KIAA1217: variants seen among roughly 807,000 people sequenced by gnomAD.
KIAA1217 encodes KIAA1217.
A neutral mutation model predicts 163.9 loss-of-function variants in KIAA1217; 88 were observed. The ratio of observed to expected loss-of-function variants is 0.54; its 90% CI spans 0.45 to 0.64. The LOEUF is 0.64. Ranked by LOEUF, KIAA1217 falls within the 30% of genes least tolerant of loss-of-function variation. KIAA1217 has a pLI of 0.00. For missense variants in KIAA1217, 2,372 were observed against 2,475.0 expected (o/e 0.96, Z 0.88); for synonymous variants, 903 against 923.1 (o/e 0.98, Z 0.39).
chr10:24,058,723 A>G (rs2060613697), intron 2 of KIAA1217, among the ~76,000 whole-genome samples: 1 of 152,090 alleles, frequency 6.6e-6, no homozygotes, highest in Non-Finnish European at 1.5e-5. Context: ...TTATTTTCAT[A>G]TGTTGATTTT....
chr10:23,759,984 A>AT (rs1388802775), intron 1 of KIAA1217, among the ~76,000 whole-genome samples: 2 of 152,094 alleles, frequency 1.3e-5, no homozygotes, highest in African/African-American at 2.4e-5. Flanking sequence ...CAATTAGTTC[A>AT]TTTTTTCTAT....
intron 2 of KIAA1217, among the ~76,000 whole-genome samples, chr10:24,320,036 C>T (rs985560398): frequency 2.0e-5 from 3 of 152,042 alleles, no homozygotes; most frequent in African/African-American, 7.2e-5. Flanking sequence ...CAATTACCAT[C>T]GTCTAGTAAC....
At chr10:24,019,408 A>T (rs11013853) in intron 2 of KIAA1217, among the ~76,000 whole-genome samples, 2 of 151,936 alleles carry the variant, frequency 1.3e-5, no homozygotes, top group Non-Finnish European at 2.9e-5. Flanking sequence ...AAAAAAATTT[A>T]AAAAATAAAA....
At chr10:24,000,578 G>A (rs1232808889) in intron 1 of KIAA1217, among the ~76,000 whole-genome samples, 3 of 152,138 alleles carry the variant, frequency 2.0e-5, no homozygotes, top group Admixed American at 1.3e-4. Flanking sequence ...AATTAACATC[G>A]GGCATTGAGT....
intron 2 of KIAA1217, among the ~76,000 whole-genome samples, chr10:24,334,751 A>G (rs576963817): frequency 3.3e-5 from 5 of 152,218 alleles, no homozygotes. Flanking sequence ...AATATCTGCA[A>G]AATGAATGAT....
intron 2 of KIAA1217, among the ~76,000 whole-genome samples, chr10:24,308,155 C>T (rs1265815300): frequency 6.6e-6 from 1 of 152,108 alleles, no homozygotes; most frequent in East Asian, 1.9e-4. Flanking sequence ...GTGGAAGGAG[C>T]CTTGCTTTGG....
At chr10:24,132,200 G>T (rs2063678144) in intron 2 of KIAA1217, among the ~76,000 whole-genome samples, 1 of 152,160 alleles carries the variant, frequency 6.6e-6, no homozygotes, top group South Asian at 2.1e-4. Context: ...CATCCCATTG[G>T]CTGGAACTCA....
intron 1 of KIAA1217, among the ~76,000 whole-genome samples, chr10:24,217,946 G>A (rs1488549924): frequency 1.3e-5 from 2 of 152,170 alleles, no homozygotes; most frequent in Non-Finnish European, 1.5e-5. Flanking sequence ...ATGACACTGA[G>A]AGAGGTCACA....
intron 1 of KIAA1217, among the ~76,000 whole-genome samples, chr10:23,978,480 C>T (rs1041185709): frequency 3.3e-5 from 5 of 152,044 alleles, no homozygotes; most frequent in African/African-American, 4.8e-5. Context: ...GAGTGGAATT[C>T]CTCAAGTGCA....
At chr10:23,944,886 C>G (rs372784433) in intron 1 of KIAA1217, among the ~76,000 whole-genome samples, 2 of 152,158 alleles carry the variant, frequency 1.3e-5, no homozygotes, top group East Asian at 3.9e-4. Flanking sequence ...TGGTGAAACC[C>G]TGTCTCTACT....
chr10:23,800,455 C>T (rs1179809921), intron 1 of KIAA1217, among the ~76,000 whole-genome samples: 1 of 152,000 alleles, frequency 6.6e-6, no homozygotes, highest in African/African-American at 2.4e-5. Flanking sequence ...TCTCAGTGGT[C>T]ACACCATTCA....
chr10:24,177,357 A>ATG (rs1211493944), intron 2 of KIAA1217, among the ~76,000 whole-genome samples: 11 of 106,780 alleles, frequency 1.0e-4, no homozygotes, highest in South Asian at 2.9e-4. Context: ...TCTTTATCAT[A>ATG]TGTGTATATA....
At chr10:24,388,741 C>T (rs919720670) in intron 3 of KIAA1217, among the ~76,000 whole-genome samples, 10 of 151,912 alleles carry the variant, frequency 6.6e-5, no homozygotes, top group East Asian at 1.9e-4. Context: ...AACAAGCGGG[C>T]GAAGGATATG....
intron 2 of KIAA1217, among the ~76,000 whole-genome samples, chr10:24,055,846 T>C (rs2060511427): frequency 6.6e-6 from 1 of 152,068 alleles, no homozygotes; most frequent in Non-Finnish European, 1.5e-5. Flanking sequence ...TTTCACAAAA[T>C]TTTTTGATAG....
intron 2 of KIAA1217, among the ~76,000 whole-genome samples, chr10:24,310,239 A>C (rs1186273427): frequency 2.0e-5 from 3 of 152,242 alleles, no homozygotes; most frequent in Non-Finnish European, 4.4e-5. Context: ...TTTTGCTTTT[A>C]CCAGGCACCA....
intron 2 of KIAA1217, among the ~76,000 whole-genome samples, chr10:24,252,956 C>T (rs1308432430): frequency 1.3e-5 from 2 of 151,262 alleles, no homozygotes; most frequent in African/African-American, 4.9e-5. Flanking sequence ...AGTTTGAGAC[C>T]AGCCTGGGTA....
At chr10:23,709,549 T>G (rs1837107460) in intron 1 of KIAA1217, among the ~76,000 whole-genome samples, 1 of 150,598 alleles carries the variant, frequency 6.6e-6, no homozygotes, top group Admixed American at 6.6e-5. Flanking sequence ...AAAAAAAAAA[T>G]AAAGAAATAG....
chr10:24,416,906 C>G (rs3847376), intron 3 of KIAA1217, among the ~76,000 whole-genome samples: 54,407 of 151,844 alleles, frequency 0.36, 11,296 homozygotes, highest in African/African-American at 0.58. Flanking sequence ...GCAAGGATTA[C>G]GGGACAAGGA....
intron 1 of KIAA1217, among the ~76,000 whole-genome samples, chr10:23,845,254 T>A (rs1044890262): frequency 6.6e-6 from 1 of 152,230 alleles, no homozygotes; most frequent in African/African-American, 2.4e-5. Context: ...ATATGCCCAG[T>A]AATGAGATTG....
Sources: allele counts gnomAD v4.1 joint callset (sites outside exome capture counted in the v4.1 genomes callset), GRCh38; gene constraint gnomAD v4.1.1; transcripts MANE v1.5; gene names NCBI Gene and HGNC (gene_info 2026-07-23, HGNC 2026-07-21).